Variants in ZMAT4 observed in about 807,000 individuals in gnomAD.
The protein encoded by ZMAT4 is zinc finger matrin-type 4, also known as zinc finger matrin-type protein 4.
Under a neutral mutation model 28.7 loss-of-function variants are expected in ZMAT4, and 17 were observed. The observed-to-expected ratio is 0.59, with a 90% CI of 0.41 to 0.89. The LOEUF (loss-of-function observed/expected upper bound fraction) is 0.89. Among genes scored for constraint, ZMAT4 ranks in the 40% least tolerant of loss-of-function variants. ZMAT4 has a pLI of 0.00. For missense variants in ZMAT4, 240 were observed against 283.8 expected (o/e 0.85, Z 1.11); for synonymous variants, 117 against 109.2 (o/e 1.07, Z -0.44).
chr8:40,811,222 G>A (rs1815300074), intron 2 of ZMAT4, among the ~76,000 whole-genome samples: 1 of 152,142 alleles, frequency 6.6e-6, no homozygotes, highest in African/African-American at 2.4e-5. Context: ...AATTCAGTTT[G>A]GAGGTAAAGT....
At chr8:40,606,506 C>T (rs1805584421) in intron 5 of ZMAT4, among the ~76,000 whole-genome samples, 1 of 152,104 alleles carries the variant, frequency 6.6e-6, no homozygotes, top group Admixed American at 6.5e-5. Flanking sequence ...AAGATAGGAC[C>T]CCAGTGCCTT....
intron 3 of ZMAT4, among the ~76,000 whole-genome samples, chr8:40,755,615 G>A (rs1032286849): frequency 2.0e-5 from 3 of 151,960 alleles, no homozygotes; most frequent in African/African-American, 7.3e-5. Flanking sequence ...ACCATGCCCG[G>A]CTAATTTTTG....
At chr8:40,538,226 C>T (rs1802911725) in intron 6 of ZMAT4, among the ~76,000 whole-genome samples, 1 of 152,192 alleles carries the variant, frequency 6.6e-6, no homozygotes, top group African/African-American at 2.4e-5. Context: ...TGTGCCTCTG[C>T]AACCCTTTGT....
At chr8:40,565,549 T>G (rs903647260) in intron 6 of ZMAT4, among the ~76,000 whole-genome samples, 1 of 151,800 alleles carries the variant, frequency 6.6e-6, no homozygotes, top group Admixed American at 6.6e-5. Context: ...GCTAATTTTT[T>G]GTATTTTTAG....
chr8:40,719,545 C>T (rs1280708079), intron 3 of ZMAT4, among the ~76,000 whole-genome samples: 2 of 151,976 alleles, frequency 1.3e-5, no homozygotes, highest in East Asian at 1.9e-4. Context: ...GCAGCGAGTT[C>T]GTGGAGAAGG....
chr8:40,885,868 C>G, intron 1 of ZMAT4, among the ~76,000 whole-genome samples: 1 of 152,232 alleles, frequency 6.6e-6, no homozygotes, highest in Non-Finnish European at 1.5e-5. Flanking sequence ...ACTCCCTGTT[C>G]CCCTTGTGGG....
At chr8:40,774,135 C>T (rs11998119) in intron 2 of ZMAT4, among the ~76,000 whole-genome samples, 1,656 of 152,056 alleles carry the variant, frequency 0.011, 23 homozygotes, top group African/African-American at 0.038. Flanking sequence ...ATATTTGCAG[C>T]ATGTAAAAGA....
intron 6 of ZMAT4, among the ~76,000 whole-genome samples, chr8:40,571,244 A>C (rs945110986): frequency 6.6e-6 from 1 of 152,218 alleles, no homozygotes; most frequent in Non-Finnish European, 1.5e-5. Context: ...ATCTAGTCAC[A>C]TACTGTAATT....
At chr8:40,877,597 T>TA (rs1818084097) in intron 1 of ZMAT4, among the ~76,000 whole-genome samples, 1 of 152,288 alleles carries the variant, frequency 6.6e-6, no homozygotes, top group Admixed American at 6.5e-5. Flanking sequence ...ATTTAAATGC[T>TA]AAAAAAATGA....
intron 5 of ZMAT4, among the ~76,000 whole-genome samples, chr8:40,657,795 C>A (rs1807993400): frequency 6.6e-6 from 1 of 152,054 alleles, no homozygotes; most frequent in South Asian, 2.1e-4. Flanking sequence ...TCTCAGTTTC[C>A]AAGAACTTAT....
intron 5 of ZMAT4, among the ~76,000 whole-genome samples, chr8:40,614,558 C>T (rs1450860018): frequency 3.3e-5 from 5 of 152,112 alleles, no homozygotes; most frequent in African/African-American, 1.2e-4. Context: ...GTGTGGGAGT[C>T]TAAGTCTCTT....
chr8:40,798,701 C>T (rs1814695133), intron 2 of ZMAT4, among the ~76,000 whole-genome samples: 3 of 152,180 alleles, frequency 2.0e-5, no homozygotes, highest in South Asian at 4.1e-4. Context: ...GAGCAGCACT[C>T]GGCTGAGATT....
chr8:40,729,951 T>C (rs561069417), intron 3 of ZMAT4, among the ~76,000 whole-genome samples: 2 of 152,360 alleles, frequency 1.3e-5, no homozygotes, highest in East Asian at 1.9e-4. Context: ...GATTAAAACA[T>C]GGTTGATCAG....
intron 5 of ZMAT4, among the ~76,000 whole-genome samples, chr8:40,590,750 T>C (rs891704946): frequency 4.7e-5 from 7 of 149,920 alleles, no homozygotes; most frequent in African/African-American, 1.7e-4. Context: ...GAGACACGAA[T>C]CAACAGTCAT....
At chr8:40,787,670 C>A (rs1021371855) in intron 2 of ZMAT4, among the ~76,000 whole-genome samples, 22 of 152,146 alleles carry the variant, frequency 1.4e-4, no homozygotes, top group African/African-American at 5.3e-4. Flanking sequence ...TGGACACAAG[C>A]ATGGTGAGGC....
intron 5 of ZMAT4, among the ~76,000 whole-genome samples, chr8:40,611,288 C>T (rs1312557551): frequency 6.6e-6 from 1 of 152,002 alleles, no homozygotes; most frequent in East Asian, 1.9e-4. Context: ...ATCGATGTGT[C>T]ATCATTAATT....
At chr8:40,648,465 G>A (rs1375876393) in intron 5 of ZMAT4, among the ~76,000 whole-genome samples, 1 of 151,484 alleles carries the variant, frequency 6.6e-6, no homozygotes, top group African/African-American at 2.4e-5. Context: ...ACCGGAAAGT[G>A]ATGGGGAGAA....
chr8:40,807,164 G>T (rs1055513008), intron 2 of ZMAT4, among the ~76,000 whole-genome samples: 73 of 150,078 alleles, frequency 4.9e-4, no homozygotes, highest in Non-Finnish European at 9.0e-4. Flanking sequence ...AAAGTCAGCC[G>T]GGCACAGTGG....
chr8:40,609,638 T>A (rs1805723193), intron 5 of ZMAT4, among the ~76,000 whole-genome samples: 1 of 151,982 alleles, frequency 6.6e-6, no homozygotes. Flanking sequence ...CATATATGCC[T>A]CATATGACAA....
Sources: gnomAD v4.1 joint callset for allele counts (sites outside exome capture counted in the v4.1 genomes callset) on GRCh38, gnomAD v4.1.1 for gene constraint, MANE v1.5 for transcripts, NCBI Gene and HGNC (gene_info 2026-07-23, HGNC 2026-07-21) for gene names.